Variants in EFHB observed in about 807,000 individuals in gnomAD.
EFHB encodes the protein EF-hand domain family member B.
Under a neutral mutation model 87.2 loss-of-function variants are expected in EFHB, and 91 were observed. The observed-to-expected ratio is 1.04, with a 90% CI of 0.88 to 1.24. The LOEUF is 1.24. Among genes scored for constraint, EFHB ranks in the 50% most tolerant of loss-of-function variants. The pLI, the probability that EFHB is intolerant of heterozygous loss-of-function variation, is 0.00. For missense variants in EFHB, 1,084 were observed against 998.8 expected (o/e 1.09, Z -1.15); for synonymous variants, 325 against 333.6 (o/e 0.97, Z 0.28).
upstream of EFHB, chr3:19,936,271 G>GC (rs1220239900): frequency 4.3e-6 from 3 of 703,942 alleles, no homozygotes; most frequent in Non-Finnish European, 7.7e-6. Context: ...GATCACTTGA[G>GC]CCCAGGAGGT....
intron 5 of EFHB, among the ~76,000 whole-genome samples, chr3:19,908,582 GAGAGAGAGAGAGAGAGAGAAAGAAAGAA>G (rs1559459583): frequency 3.4e-5 from 4 of 118,198 alleles, no homozygotes; most frequent in African/African-American, 1.5e-4. Flanking sequence ...GAGAGAGAGA[GAGAGAGAGAGAGAGAGAGAAAGAAAGAA>G]AGAAAGAAAG....
intron 10 of EFHB, among the ~76,000 whole-genome samples, chr3:19,886,265 C>T (rs1318252083): frequency 6.6e-6 from 1 of 152,132 alleles, no homozygotes; most frequent in Non-Finnish European, 1.5e-5. Context: ...AATAGAAAGG[C>T]TAACCCATAA....
At chr3:19,894,261 A>G (rs1246725787) in intron 9 of EFHB, among the ~76,000 whole-genome samples, 1 of 152,160 alleles carries the variant, frequency 6.6e-6, no homozygotes, top group Non-Finnish European at 1.5e-5. Context: ...TACTCTCATC[A>G]TGGTAATTTC....
At chr3:19,894,811 ACCCCGTCT>A (rs1210331300) in intron 9 of EFHB, 1 of 151,886 alleles carries the variant, frequency 6.6e-6, no homozygotes, top group East Asian at 1.9e-4. Context: ...ACATGGTGAA[ACCCCGTCT>A]CTACTAAAAA....
chr3:19,898,818 T>A lies in EFHB; in HGVS notation c.1530A>T (p.Pro510=), dbSNP rs1694571160. 3 of 1,613,744 alleles carry A rather than the reference T, an allele frequency of 1.9e-6. No homozygotes were observed. The highest frequency in any genetic ancestry group is 2.5e-6 in the Non-Finnish European group (3 of 1,179,838). The change falls in exon 8 of 13, where the codon CCA becomes CCT. Residue 510 remains proline (P), a synonymous_variant. Coordinates refer to ENST00000295824, the MANE Select transcript of EFHB (RefSeq NM_144715.4). ...DPIAETMNVP[P]DCTFGACLRP... ...GGAGACAAGCTCCAAATGTGCAGTC[T>A]GGGGGAACATTCATTGTTTCTGCAA... is the stretch of plus-strand genomic sequence containing the variant.
intron 1 of EFHB, among the ~76,000 whole-genome samples, chr3:19,932,867 A>C (rs148871414): frequency 6.6e-6 from 1 of 152,360 alleles, no homozygotes; most frequent in African/African-American, 2.4e-5. Flanking sequence ...TAAACAATGA[A>C]TGGAAAAAGA....
chr3:19,933,091 TG>T (rs1472344190), intron 1 of EFHB, 138 bp downstream of exon 1: 2 of 1,100,414 alleles, frequency 1.8e-6, no homozygotes, highest in African/African-American at 1.6e-5. Context: ...AAGATTCCAG[TG>T]GGGCAAGAAA....
At chr3:19,926,656 A>C (rs1370499543) in intron 1 of EFHB, among the ~76,000 whole-genome samples, 1 of 52,524 alleles carries the variant, frequency 1.9e-5, no homozygotes, top group African/African-American at 9.5e-5. Flanking sequence ...CACCACGCCC[A>C]GCCTGCTTTT....
chr3:19,881,614 T>C (rs1476690872), intron 12 of EFHB, among the ~76,000 whole-genome samples: 2 of 152,298 alleles, frequency 1.3e-5, no homozygotes, highest in African/African-American at 2.4e-5. Context: ...AGTTCCTCCT[T>C]TGGGGCCAGT....
intron 1 of EFHB, among the ~76,000 whole-genome samples, chr3:19,940,095 A>C (rs1201627386): frequency 6.6e-6 from 1 of 152,182 alleles, no homozygotes; most frequent in African/African-American, 2.4e-5. Context: ...CTTTCTATGT[A>C]CTTCTTTTTT....
At chr3:19,946,467 T>A (rs1376614581) in intron 1 of EFHB, among the ~76,000 whole-genome samples, 3 of 152,202 alleles carry the variant, frequency 2.0e-5, no homozygotes, top group Non-Finnish European at 4.4e-5. Flanking sequence ...CGAAGGGAAA[T>A]TCTGAATAAA....
chr3:19,897,106 C>T (rs1694516276), intron 8 of EFHB, among the ~76,000 whole-genome samples: 1 of 152,200 alleles, frequency 6.6e-6, no homozygotes, highest in African/African-American at 2.4e-5. Context: ...TCACCAACCG[C>T]ACTCAACTGT....
chr3:19,938,197 C>T (rs1186259855), upstream of EFHB, among the ~76,000 whole-genome samples: 13 of 152,178 alleles, frequency 8.5e-5, no homozygotes, highest in Admixed American at 8.5e-4. Context: ...CTGTGATTGA[C>T]TGGGAAAGGA....
chr3:19,880,612 C>A (rs2071651407), intron 12 of EFHB, among the ~76,000 whole-genome samples: 1 of 152,128 alleles, frequency 6.6e-6, no homozygotes, highest in Non-Finnish European at 1.5e-5. Flanking sequence ...CCTGTTGGAA[C>A]TTTAACTATG....
intron 6 of EFHB, among the ~76,000 whole-genome samples, chr3:19,902,235 C>T (rs535811138): frequency 2.0e-5 from 3 of 152,288 alleles, no homozygotes; most frequent in South Asian, 4.1e-4. Context: ...CACATGCACT[C>T]GCACAGGCAT....
intron 9 of EFHB, among the ~76,000 whole-genome samples, chr3:19,892,521 G>C (rs571302381): frequency 6.6e-6 from 1 of 152,304 alleles, no homozygotes; most frequent in South Asian, 2.1e-4. Context: ...ACAGCACCAT[G>C]CAACAGCAAT....
At chr3:19,936,906 A>AATAAATAAATAT (rs1696037586), upstream of EFHB, among the ~76,000 whole-genome samples, 1 of 148,232 alleles carries the variant, frequency 6.7e-6, no homozygotes, top group Non-Finnish European at 1.5e-5. Context: ...TAAATAAATA[A>AATAAATAAATAT]ATAAATAAAA....
At chr3:19,934,994 T>G (rs2125169445), upstream of EFHB, among the ~76,000 whole-genome samples, 1 of 152,058 alleles carries the variant, frequency 6.6e-6, no homozygotes, top group South Asian at 2.1e-4. Context: ...CACTGCAAAC[T>G]CCGCCTCCTG....
intron 2 of EFHB, 149 bp downstream of exon 2, chr3:19,920,356 A>G: frequency 1.5e-6 from 1 of 664,808 alleles, no homozygotes; most frequent in Non-Finnish European, 2.5e-6. Context: ...CTTGGACAAA[A>G]TCAATAGAAG....
Sources: allele counts gnomAD v4.1 joint callset (sites outside exome capture counted in the v4.1 genomes callset), GRCh38; gene constraint gnomAD v4.1.1; transcripts MANE v1.5; gene names NCBI Gene and HGNC (gene_info 2026-07-23, HGNC 2026-07-21).